ZFYVE28: variants seen among roughly 807,000 people sequenced by gnomAD.
ZFYVE28 encodes zinc finger FYVE-type containing 28.
Under a neutral mutation model 82.1 loss-of-function variants are expected in ZFYVE28, and 40 were observed. That is an observed-to-expected ratio of 0.49 (90% CI 0.38 to 0.63). ZFYVE28 has a LOEUF of 0.63. Ranked by LOEUF, ZFYVE28 falls within the 30% of genes least tolerant of loss-of-function variation. The probability of loss-of-function intolerance (pLI) is 0.00; values close to 1 mark genes in which losing one functional copy is unlikely to be tolerated. For synonymous variants in ZFYVE28, 612 were observed against 546.1 expected (o/e 1.12, Z -1.68); for missense variants, 1,321 against 1,242.1 (o/e 1.06, Z -0.96).
At chr4:2,344,504 TAACTA>T (rs1409615669) in intron 2 of ZFYVE28, among the ~76,000 whole-genome samples, 1 of 152,186 alleles carries the variant, frequency 6.6e-6, no homozygotes, top group Non-Finnish European at 1.5e-5. Flanking sequence ...TGTTTCTAAG[TAACTA>T]AACTACATCA....
chr4:2,271,075 G>T, intron 12 of ZFYVE28: 1 of 754,440 alleles, frequency 1.3e-6, no homozygotes, highest in East Asian at 2.7e-5. Flanking sequence ...CACACTCGCT[G>T]TCCCCTCTCT....
chr4:2,298,734 C>T (rs993064887), intron 8 of ZFYVE28, among the ~76,000 whole-genome samples: 13 of 152,332 alleles, frequency 8.5e-5, no homozygotes, highest in Admixed American at 3.3e-4. Context: ...GCCTTGCCCC[C>T]GTGGGACGGA....
chr4:2,409,177 C>T lies in ZFYVE28; in HGVS notation c.39+9108G>A, dbSNP rs540561299. Reference sequence around the variant, plus strand: ...ACTTCTGCACCCCCATCTCCACCCTCCACCTCGCAGCTCCTCTCCTGAGCT... The same window carrying T: ...ACTTCTGCACCCCCATCTCCACCCTTCACCTCGCAGCTCCTCTCCTGAGCT... On this transcript the variant is annotated intron_variant, in intron 1 of 12. Transcript: ENST00000290974. This position sits in a 1 kb window ranked among gnomAD's most constrained non-coding sequence, Gnocchi z 4.4. Among the ~76,000 whole-genome samples, 1 of 151,886 alleles carries T rather than the reference C, an allele frequency of 6.6e-6. No homozygotes were observed. The highest frequency in any genetic ancestry group is 1.5e-5 in the Non-Finnish European group (1 of 67,920).
intron 1 of ZFYVE28, among the ~76,000 whole-genome samples, chr4:2,399,347 T>C (rs1178843935): frequency 6.6e-6 from 1 of 152,170 alleles, no homozygotes; most frequent in East Asian, 1.9e-4. Flanking sequence ...TCTCCTCCTG[T>C]CCAAAGGTGA....
At chr4:2,364,099 C>T (rs1373008327) in intron 1 of ZFYVE28, among the ~76,000 whole-genome samples, 1 of 152,206 alleles carries the variant, frequency 6.6e-6, no homozygotes, top group Admixed American at 6.5e-5. Context: ...GAAGGCCTCC[C>T]CAGGCCTCAG....
At chr4:2,336,356 C>A (rs1264803486) in intron 5 of ZFYVE28, among the ~76,000 whole-genome samples, 7 of 152,178 alleles carry the variant, frequency 4.6e-5, no homozygotes, top group Admixed American at 3.3e-4. Flanking sequence ...TTTGAAATAT[C>A]TCTCAAAGCA....
chr4:2,394,278 G>A lies in ZFYVE28; in HGVS notation c.39+24007C>T, dbSNP rs74602430. Reference sequence around the variant, plus strand: ...CTTCCCCTTTGCCACACACCTCATAGATTCATGGGTTCCAGGGATTCACAC... The same window carrying A: ...CTTCCCCTTTGCCACACACCTCATAAATTCATGGGTTCCAGGGATTCACAC... On this transcript the variant is annotated intron_variant, in intron 1 of 12. Transcript: ENST00000290974. This position sits in a 1 kb window ranked among gnomAD's most constrained non-coding sequence, Gnocchi z 4.0. Among the ~76,000 whole-genome samples the A allele has an allele frequency of 2.5e-3, 382 of 152,268 alleles. 7 individuals carry two copies. In the East Asian group the frequency reaches 0.06, roughly 24 times the overall value.
At chr4:2,413,760 T>C (rs1212708549) in intron 1 of ZFYVE28, among the ~76,000 whole-genome samples, 3 of 152,344 alleles carry the variant, frequency 2.0e-5, no homozygotes, top group African/African-American at 7.2e-5. Context: ...GCATGGGGCA[T>C]GGACGCAGTG....
chr4:2,303,832 A>AG (rs1381747114), intron 8 of ZFYVE28, among the ~76,000 whole-genome samples: 4 of 152,212 alleles, frequency 2.6e-5, no homozygotes, highest in Admixed American at 2.6e-4. Flanking sequence ...GCCCGGTGTG[A>AG]GCCAGGCAGC....
chr4:2,316,658 C>G (rs1456792267), intron 7 of ZFYVE28, among the ~76,000 whole-genome samples: 1 of 152,004 alleles, frequency 6.6e-6, no homozygotes, highest in Non-Finnish European at 1.5e-5. Context: ...CATCCACTTT[C>G]TGGCTCTTCT....
chr4:2,306,414 C>A (rs1293903457), intron 7 of ZFYVE28, among the ~76,000 whole-genome samples: 1 of 152,220 alleles, frequency 6.6e-6, no homozygotes, highest in Non-Finnish European at 1.5e-5. Context: ...AGAAGTGAAA[C>A]CCCAACCAGG....
intron 1 of ZFYVE28, among the ~76,000 whole-genome samples, chr4:2,404,910 G>C (rs1232934976): frequency 3.0e-5 from 4 of 132,178 alleles, no homozygotes; most frequent in Non-Finnish European, 4.6e-5. Context: ...CCCTTGCCCA[G>C]GCTGGAGTGC....
intron 1 of ZFYVE28, among the ~76,000 whole-genome samples, chr4:2,403,021 GT>G (rs1293941150): frequency 6.6e-6 from 1 of 152,236 alleles, no homozygotes; most frequent in Non-Finnish European, 1.5e-5. Flanking sequence ...CATTATCCGT[GT>G]TTGAGGAAAG....
chr4:2,335,780 C>T lies in ZFYVE28; in HGVS notation c.626G>A (p.Gly209Glu). 1 of 1,563,828 alleles carries T rather than the reference C, an allele frequency of 6.4e-7. No homozygotes were observed. Among genetic ancestry groups the T allele is most frequent in the Non-Finnish European group, 8.7e-7 (1 of 1,153,852 alleles). The change falls in exon 6 of 13, where the codon GGG (glycine) becomes GAG (glutamate). Residue 209 changes from glycine to glutamate, a missense_variant. Transcript: ENST00000290974. The surrounding 1 kb of genome is among the most constrained non-coding windows in gnomAD (Gnocchi z 5.8). Reference protein sequence around the residue: ...CETVERALDFGYLTQDMIDDY... With the variant: ...CETVERALDFEYLTQDMIDDY... ...ATCAATCATGTCCTGAGTCAGGTAC[C>T]CGAAGTCCAGGGCCCTGTCCGGGGA...
intron 2 of ZFYVE28, among the ~76,000 whole-genome samples, chr4:2,350,627 T>C (rs1287402077): frequency 6.6e-6 from 1 of 152,084 alleles, no homozygotes; most frequent in African/African-American, 2.4e-5. Flanking sequence ...GGGGGGCTGG[T>C]CCCTGGGAAG....
intron 7 of ZFYVE28, among the ~76,000 whole-genome samples, chr4:2,310,095 G>C (rs1157388614): frequency 6.6e-6 from 1 of 151,876 alleles, no homozygotes; most frequent in Non-Finnish European, 1.5e-5. Flanking sequence ...CTGGAGTGCA[G>C]TGGCCTGATC....
intron 1 of ZFYVE28, among the ~76,000 whole-genome samples, chr4:2,415,629 C>T (rs1457887963): frequency 2.0e-5 from 3 of 152,218 alleles, no homozygotes; most frequent in Admixed American, 6.5e-5. Flanking sequence ...GACACATCCT[C>T]CCACAGCTAA....
intron 1 of ZFYVE28, among the ~76,000 whole-genome samples, chr4:2,413,941 G>A (rs540777667): frequency 1.3e-5 from 2 of 152,230 alleles, no homozygotes; most frequent in South Asian, 2.1e-4. Context: ...CTCTGTCATC[G>A]CCCCTCACCC....
chr4:2,294,277 G>C (rs559085676), intron 8 of ZFYVE28, among the ~76,000 whole-genome samples: 1 of 152,298 alleles, frequency 6.6e-6, no homozygotes, highest in African/African-American at 2.4e-5. Context: ...ACAGACTGGA[G>C]AGTTCAGATG....
Sources: gnomAD v4.1 joint callset for allele counts (sites outside exome capture counted in the v4.1 genomes callset) on GRCh38, gnomAD v4.1.1 for gene constraint, Gnocchi (gnomAD v3.1) non-coding constraint, MANE v1.5 for transcripts, NCBI Gene and HGNC (gene_info 2026-07-23, HGNC 2026-07-21) for gene names.